The following IPMK variants were observed in gnomAD, a reference collection of about 807,000 sequenced individuals.
IPMK encodes inositol 1,3,4,6-tetrakisphosphate 5-kinase.
In IPMK, 17 loss-of-function variants were observed where a neutral mutation model predicts 45.8. That is an observed-to-expected ratio of 0.37 (90% CI 0.25 to 0.56). IPMK has a LOEUF of 0.56. Among genes scored for constraint, IPMK ranks in the 20% least tolerant of loss-of-function variants. The pLI is 0.79. For missense variants in IPMK, 399 were observed against 498.0 expected, an observed-to-expected ratio of 0.80 and a Z score of 1.89; for synonymous variants, 180 against 184.3, an observed-to-expected ratio of 0.98 and a Z score of 0.19.
intron 1 of IPMK, 84 bp downstream of exon 1, chr10:58,267,338 C>T (rs527527090): frequency 4.0e-4 from 568 of 1,407,868 alleles, no homozygotes; most frequent in South Asian, 2.4e-3. Flanking sequence ...TCCAGGCAGG[C>T]CCGAGAGCGC....
chr10:58,222,643 G>T (rs979963229), intron 3 of IPMK, among the ~76,000 whole-genome samples: 2 of 152,084 alleles, frequency 1.3e-5, no homozygotes, highest in South Asian at 4.2e-4. Flanking sequence ...CATTTAAGAG[G>T]CTATGGCTAA....
At chr10:58,209,198 T>C (rs1838120053) in intron 4 of IPMK, among the ~76,000 whole-genome samples, 1 of 152,174 alleles carries the variant, frequency 6.6e-6, no homozygotes, top group African/African-American at 2.4e-5. Context: ...TATAGGTGCC[T>C]CCATGCTGCA....
intron 2 of IPMK, among the ~76,000 whole-genome samples, chr10:58,233,722 G>C (rs1395355789): frequency 6.6e-6 from 1 of 152,048 alleles, no homozygotes; most frequent in Non-Finnish European, 1.5e-5. Context: ...ACACGGAATG[G>C]GCAAAAACTG....
intron 1 of IPMK, among the ~76,000 whole-genome samples, chr10:58,255,653 T>C (rs540837536): frequency 8.5e-5 from 13 of 152,274 alleles, no homozygotes; most frequent in South Asian, 6.2e-4. Context: ...ATTTCTTTTT[T>C]TTTTCTTTTT....
chr10:58,210,942 G>C (rs1364808455), intron 4 of IPMK, among the ~76,000 whole-genome samples: 2 of 152,148 alleles, frequency 1.3e-5, no homozygotes, highest in Non-Finnish European at 2.9e-5. Flanking sequence ...CCATCCACGT[G>C]GAAGATGCAC....
At chr10:58,229,079 T>G (rs1413968485) in intron 2 of IPMK, among the ~76,000 whole-genome samples, 2 of 152,124 alleles carry the variant, frequency 1.3e-5, no homozygotes, top group Admixed American at 1.3e-4. Flanking sequence ...AATAAAAATC[T>G]TGGCTTACTT....
intron 2 of IPMK, among the ~76,000 whole-genome samples, chr10:58,235,460 T>C (rs1488401792): frequency 6.6e-6 from 1 of 152,126 alleles, no homozygotes; most frequent in Non-Finnish European, 1.5e-5. Flanking sequence ...ATGTGGCCCA[T>C]ATACACCATG....
rs555515702 is a variant in IPMK at position 58,208,628 on chromosome 10, T to C, written c.546+7517A>G. Among the ~76,000 whole-genome samples the C allele has an allele frequency of 2.6e-5, 4 of 152,336 alleles. No homozygotes were observed. In the East Asian group the frequency reaches 7.7e-4, roughly 29 times the overall value. ...GTTCCTTAGTTATAGAGAGTCTTTG[T>C]GTGCTGGCTTTCCCTAATGCTGGCT... On this transcript the variant is annotated intron_variant, in intron 4 of 5. Transcript: ENST00000373935.
chr10:58,262,928 G>A (rs1839096573), intron 1 of IPMK, among the ~76,000 whole-genome samples: 1 of 128,860 alleles, frequency 7.8e-6, no homozygotes, highest in Admixed American at 7.0e-5. Context: ...TGAAAGAATG[G>A]GGGGAAAAAA....
intron 4 of IPMK, among the ~76,000 whole-genome samples, chr10:58,204,302 T>A (rs1018443315): frequency 6.6e-6 from 1 of 151,816 alleles, no homozygotes; most frequent in Admixed American, 6.6e-5. Flanking sequence ...AGTATCCAAT[T>A]TTTTTTTAAT....
At chr10:58,238,951 C>T (rs1302639374) in intron 1 of IPMK, among the ~76,000 whole-genome samples, 3 of 151,628 alleles carry the variant, frequency 2.0e-5, no homozygotes, top group Non-Finnish European at 4.4e-5. Context: ...TGAGATGAGT[C>T]TGGGTAACAT....
intron 2 of IPMK, among the ~76,000 whole-genome samples, chr10:58,236,601 A>T (rs568201165): frequency 2.0e-5 from 3 of 152,314 alleles, no homozygotes; most frequent in South Asian, 4.1e-4. Flanking sequence ...TCATGCATTA[A>T]ATTGTTTCTG....
At chr10:58,240,810 C>A (rs1212262420) in intron 1 of IPMK, among the ~76,000 whole-genome samples, 1 of 149,872 alleles carries the variant, frequency 6.7e-6, no homozygotes, top group East Asian at 2.0e-4. Context: ...GGGTATAGAA[C>A]TCCCAGAAGT....
chr10:58,218,816 T>G (rs1252318062), intron 3 of IPMK, among the ~76,000 whole-genome samples: 1 of 152,160 alleles, frequency 6.6e-6, no homozygotes, highest in Admixed American at 6.6e-5. Flanking sequence ...AAATCTCCTA[T>G]CTCTTACTTT....
intron 1 of IPMK, among the ~76,000 whole-genome samples, chr10:58,245,295 G>C (rs1838780173): frequency 6.6e-6 from 1 of 151,924 alleles, no homozygotes; most frequent in Non-Finnish European, 1.5e-5. Context: ...GAAAAGAGTT[G>C]TTCAGTGGAC....
intron 4 of IPMK, among the ~76,000 whole-genome samples, chr10:58,199,547 T>C (rs555759828): frequency 2.0e-5 from 3 of 152,318 alleles, no homozygotes; most frequent in African/African-American, 2.4e-5. Context: ...GATAGATGAA[T>C]ATTTCCAATA....
intron 1 of IPMK, 30 bp from the exon 2 acceptor site, chr10:58,237,844 T>A: frequency 1.3e-6 from 2 of 1,491,588 alleles, no homozygotes; most frequent in Non-Finnish European, 1.9e-6. Context: ...AATTGTTTAA[T>A]GCTTTAATAA....
At chr10:58,197,389 G>A (rs998260386) in intron 5 of IPMK, among the ~76,000 whole-genome samples, 3 of 142,804 alleles carry the variant, frequency 2.1e-5, no homozygotes, top group East Asian at 2.2e-4. Flanking sequence ...GGTGGCTCAC[G>A]CCTGTAATCC....
rs1160050858 is a variant in IPMK, at chr10:58,193,695, T to C, written c.*2381A>G. 1.3e-5 allele frequency: 2 copies of C among 151,812 alleles called. No homozygotes were observed. The highest frequency in any genetic ancestry group is 3.0e-5 in the Non-Finnish European group (2 of 67,746). 9.4% of individuals were successfully genotyped at this position (151,812 alleles called of 1,614,324 possible). On this transcript the variant is annotated 3_prime_UTR_variant, in exon 6 of 6. Coordinates refer to ENST00000373935, the MANE Select transcript of IPMK (RefSeq NM_152230.5). The stretch of plus-strand genomic sequence containing the variant: ...TTATGTTTCATAGGGGAAAAAAAAC[T>C]ATGAGAATCCTATTAACCCAAACTA...
Sources: gnomAD v4.1 joint callset for allele counts (sites outside exome capture counted in the v4.1 genomes callset) on GRCh38, gnomAD v4.1.1 for gene constraint, MANE v1.5 for transcripts, NCBI Gene and HGNC (gene_info 2026-07-23, HGNC 2026-07-21) for gene names.